RARA: variants seen among roughly 807,000 people sequenced by gnomAD.
RARA encodes the protein retinoic acid receptor alpha, also known as PML-DDX5-RARA fusion.
In RARA, 5 loss-of-function variants were observed where a neutral mutation model predicts 42.8. The ratio of observed to expected loss-of-function variants is 0.12; its 90% confidence interval spans 0.06 to 0.25. The LOEUF is 0.25. RARA is among the 10% of genes least tolerant of loss of function. RARA has a pLI of 1.00. For synonymous variants in RARA, 256 were observed against 259.5 expected (o/e 0.99, Z 0.13); for missense variants, 402 against 628.7 (o/e 0.64, Z 3.86).
At chr17:40,334,228 TG>T (rs1254913969) in intron 2 of RARA, among the ~76,000 whole-genome samples, 1 of 152,192 alleles carries the variant, frequency 6.6e-6, no homozygotes, top group Non-Finnish European at 1.5e-5. Flanking sequence ...TCCCCAAATG[TG>T]GGTGGGGTGC....
At chr17:40,346,515 C>T (rs2034270646) in intron 2 of RARA, among the ~76,000 whole-genome samples, 1 of 151,756 alleles carries the variant, frequency 6.6e-6, no homozygotes, top group African/African-American at 2.4e-5. Flanking sequence ...CTTGATCTCC[C>T]CTCCCCCCAC....
rs148750662 is a variant in RARA, at chr17:40,315,365, T to G, written c.-363+6079T>G. On this transcript the variant is annotated intron_variant, in intron 1 of 8. Transcript: ENST00000254066. Reference sequence around the variant, plus strand: ...CTGGCCTGGGTTTGAATCCCAGCCCTGCCATTGACAAGCTGTATGACGTTG... The same window carrying G: ...CTGGCCTGGGTTTGAATCCCAGCCCGGCCATTGACAAGCTGTATGACGTTG... Among the ~76,000 whole-genome samples the G allele has an allele frequency of 1.7e-3, 259 of 151,960 alleles. 2 individuals carry two copies. Among genetic ancestry groups the G allele is most frequent in the Middle Eastern group, 6.8e-3 (2 of 294 alleles).
chr17:40,347,976 C>T, intron 2 of RARA: 1 of 216,036 alleles, frequency 4.6e-6, no homozygotes, highest in Non-Finnish European at 9.1e-6. Flanking sequence ...CGGGGCCAGG[C>T]CGCCCAGGGG....
At chr17:40,338,328 C>A (rs183802018) in intron 2 of RARA, among the ~76,000 whole-genome samples, 1 of 152,150 alleles carries the variant, frequency 6.6e-6, no homozygotes, top group Non-Finnish European at 1.5e-5. Context: ...TGGGGCACAG[C>A]GAGGGATTGG....
chr17:40,319,442 C>A (rs1263691715), intron 1 of RARA, among the ~76,000 whole-genome samples: 2 of 152,120 alleles, frequency 1.3e-5, no homozygotes, highest in Non-Finnish European at 2.9e-5. Flanking sequence ...TCTTCTGTAA[C>A]CAGGTTGCCT....
chr17:40,323,837 G>T (rs866314606), intron 1 of RARA, among the ~76,000 whole-genome samples: 11 of 133,196 alleles, frequency 8.3e-5, no homozygotes, highest in African/African-American at 3.0e-4. Flanking sequence ...AGGACTTGGT[G>T]GGGGGGTGTA....
chr17:40,338,850 T>G (rs1364342415), intron 2 of RARA, among the ~76,000 whole-genome samples: 1 of 151,272 alleles, frequency 6.6e-6, no homozygotes, highest in African/African-American at 2.4e-5. Flanking sequence ...AAACCCCATC[T>G]CTACAGAATA....
At chr17:40,342,811 C>T (rs1007710001) in intron 2 of RARA, 3 of 1,613,044 alleles carry the variant, frequency 1.9e-6, no homozygotes, top group Non-Finnish European at 2.5e-6. Context: ...GGGCTCCCCG[C>T]CCCGGGTCCG....
chr17:40,341,411 C>G, intron 2 of RARA: 5 of 1,509,546 alleles, frequency 3.3e-6, no homozygotes, highest in Non-Finnish European at 4.4e-6. Context: ...GACAATGACA[C>G]AAGCCGGTGT....
intron 2 of RARA, chr17:40,341,181 T>G: frequency 1.9e-6 from 1 of 526,514 alleles, no homozygotes; most frequent in South Asian, 6.8e-5. Flanking sequence ...GATGAAGTAG[T>G]CCACTGGAAG....
At chr17:40,319,532 C>T (rs2143187569) in intron 1 of RARA, among the ~76,000 whole-genome samples, 1 of 151,096 alleles carries the variant, frequency 6.6e-6, no homozygotes, top group South Asian at 2.1e-4. Context: ...CCCCGACCCC[C>T]CCACCCCCTG....
In RARA at chr17:40,315,132, G is replaced by GTGTA. The variant is rs1491257905; in HGVS notation, c.-363+5847_-363+5848insGTAT. Reference sequence around the variant, plus strand: ...TATATATATATATATGCTTATATGTGTATATATATATATATATATATATAT... The same window carrying GTGTA: ...TATATATATATATATGCTTATATGTGTGTATATATATATATATATATATATATAT... On this transcript the variant is annotated intron_variant, in intron 1 of 8. Coordinates refer to ENST00000254066, the MANE Select transcript of RARA (RefSeq NM_000964.4). Among the ~76,000 whole-genome samples the GTGTA allele has an allele frequency of 1.6e-3, 105 of 64,176 alleles. 1 individual carries two copies. Among genetic ancestry groups the GTGTA allele is most frequent in the Admixed American group, 4.1e-3 (19 of 4,636 alleles). The allele number at this position is 64,176 out of a possible 152,430, so 42.1% of individuals were successfully genotyped here.
chr17:40,322,181 G>T (rs572895908), intron 1 of RARA, among the ~76,000 whole-genome samples: 1 of 152,134 alleles, frequency 6.6e-6, no homozygotes, highest in African/African-American at 2.4e-5. Flanking sequence ...GGTGGAGGGA[G>T]GTTCCATTCC....
chr17:40,310,300 G>A (rs904616698), intron 1 of RARA, among the ~76,000 whole-genome samples: 3 of 151,910 alleles, frequency 2.0e-5, no homozygotes, highest in East Asian at 1.9e-4. Flanking sequence ...GATCTAGGGC[G>A]TGTCATTCTG....
In RARA at chr17:40,355,381, G is replaced by A; in HGVS notation, c.1131G>A (p.Met377Ile). The A allele has an allele frequency of 6.2e-7, 1 of 1,614,016 alleles. No individual in the cohort carries two copies. Among genetic ancestry groups the A allele is most frequent in the African/African-American group, 1.3e-5 (1 of 75,046 alleles). ...RPSRPHMFPK[M>I]LMKITDLRSI... ...GCCGCCCCCACATGTTCCCCAAGATGCTAATGAAGATTACTGACCTGCGAA... is the reference window on the plus strand; with the variant it reads ...GCCGCCCCCACATGTTCCCCAAGATACTAATGAAGATTACTGACCTGCGAA... The change falls in exon 8 of 9, where the codon ATG (methionine) becomes ATA (isoleucine). Residue 377 changes from methionine to isoleucine, a missense_variant. Physicochemically the swap from Met to Ile is conservative, Grantham distance 10. Around this residue, in one of 5 missense-constraint regions of RARA, gnomAD observed 104 missense variants for 160.1 expected, o/e 0.65. Coordinates refer to ENST00000254066, the MANE Select transcript of RARA (RefSeq NM_000964.4). This position sits in a 1 kb window ranked among gnomAD's most constrained non-coding sequence, Gnocchi z 4.1.
At chr17:40,346,523 C>A (rs911785769) in intron 2 of RARA, among the ~76,000 whole-genome samples, 2 of 151,886 alleles carry the variant, frequency 1.3e-5, no homozygotes, top group South Asian at 4.2e-4. Context: ...CCCCTCCCCC[C>A]ACCAGTCTGG....
chr17:40,326,712 C>G lies in RARA; in HGVS notation c.-362-4145C>G, dbSNP rs553808143. Among the ~76,000 whole-genome samples, 52 of 152,290 alleles carry G rather than the reference C, an allele frequency of 3.4e-4. No individual in the cohort carries two copies. Among genetic ancestry groups the G allele is most frequent in the African/African-American group, 1.2e-3 (49 of 41,550 alleles). On this transcript the variant is annotated intron_variant, in intron 1 of 8. Transcript: ENST00000254066. The surrounding 1 kb of genome is among the most constrained non-coding windows in gnomAD (Gnocchi z 5.2). ...GGGTGCCCGTGGGCAGTGGAGGTGG[C>G]TGGCATAGGGTGGAGGTTGGATGTG...
At position 40,309,219 on chromosome 17, in the gene RARA, G is replaced by C. The variant is rs2033050016; in HGVS notation, c.-430G>C. 6.6e-6 allele frequency: 1 copy of C among 152,334 alleles called. No individual in the cohort carries two copies. The highest frequency in any genetic ancestry group is 2.4e-5 in the African/African-American group (1 of 41,446). 9.4% of individuals were successfully genotyped at this position (152,334 alleles called of 1,614,324 possible). A position where few individuals can be genotyped will look rare whatever the true frequency, so the allele number is the denominator to read the frequency against. ...CAGAAGCAGGGGGGAATCCTGAATCGAGCTGAGAGGGCTTCCCCGGTTCTC... is the reference window on the plus strand; with the variant it reads ...CAGAAGCAGGGGGGAATCCTGAATCCAGCTGAGAGGGCTTCCCCGGTTCTC... On this transcript the variant is annotated 5_prime_UTR_variant, in exon 1 of 9. Coordinates refer to ENST00000254066, the MANE Select transcript of RARA (RefSeq NM_000964.4).
chr17:40,343,077 T>C, intron 2 of RARA: 5 of 909,860 alleles, frequency 5.5e-6, no homozygotes, highest in Non-Finnish European at 7.4e-6. Flanking sequence ...AGATTAGGGC[T>C]GAGGAACTTT....
Sources: gnomAD v4.1 joint callset for allele counts (sites outside exome capture counted in the v4.1 genomes callset) on GRCh38, gnomAD v4.1.1 for gene constraint, gnomAD v4.1.1 regional missense constraint, Gnocchi (gnomAD v3.1) non-coding constraint, MANE v1.5 for transcripts, NCBI Gene and HGNC (gene_info 2026-07-23, HGNC 2026-07-21) for gene names.